HHLA2: variants seen among roughly 807,000 people sequenced by gnomAD.
HHLA2 encodes HHLA2 member of B7 family.
A neutral mutation model predicts 45.9 loss-of-function variants in HHLA2; 48 were observed. The observed-to-expected ratio is 1.05, with a 90% CI of 0.83 to 1.33. The LOEUF (loss-of-function observed/expected upper bound fraction) is 1.33, where lower values mean the gene tolerates loss of function less well. Ranked by LOEUF, HHLA2 falls within the 40% of genes most tolerant of loss-of-function variation. HHLA2 has a pLI of 0.00. For missense variants in HHLA2, 462 were observed against 494.3 expected (o/e 0.93, Z 0.62); for synonymous variants, 161 against 173.9 (o/e 0.93, Z 0.59).
At chr3:108,340,961 T>C (rs13066881) in intron 3 of HHLA2, among the ~76,000 whole-genome samples, 1 of 139,816 alleles carries the variant, frequency 7.2e-6, no homozygotes, top group Non-Finnish European at 1.6e-5. Flanking sequence ...TCTTTCTTTC[T>C]TTTCTTTCTT....
chr3:108,312,575 C>T (rs1281406521), intron 2 of HHLA2, among the ~76,000 whole-genome samples: 1 of 152,196 alleles, frequency 6.6e-6, no homozygotes, highest in Non-Finnish European at 1.5e-5. Context: ...GGGGGTGGCC[C>T]ATGCCCAATG....
intron 2 of HHLA2, among the ~76,000 whole-genome samples, chr3:108,313,486 C>T (rs915579192): frequency 1.3e-5 from 2 of 152,172 alleles, no homozygotes; most frequent in African/African-American, 2.4e-5. Context: ...ACGGATATTA[C>T]CTCCTCTCTT....
intron 2 of HHLA2, among the ~76,000 whole-genome samples, chr3:108,316,258 T>C (rs1316640132): frequency 6.6e-6 from 1 of 152,160 alleles, no homozygotes; most frequent in East Asian, 1.9e-4. Flanking sequence ...AGGGAAGAAG[T>C]TCCTCTGGTT....
intron 2 of HHLA2, among the ~76,000 whole-genome samples, chr3:108,314,553 G>T (rs894517003): frequency 3.3e-5 from 5 of 152,076 alleles, no homozygotes; most frequent in African/African-American, 1.2e-4. Context: ...GGCTGGGCCT[G>T]GCCACACCAT....
intron 3 of HHLA2, among the ~76,000 whole-genome samples, chr3:108,334,488 T>G (rs1348084799): frequency 6.6e-6 from 1 of 152,200 alleles, no homozygotes; most frequent in African/African-American, 2.4e-5. Context: ...GTAAACAAAT[T>G]ACTGCCACTT....
chr3:108,331,976 T>A (rs12496014), intron 3 of HHLA2, among the ~76,000 whole-genome samples: 84,838 of 151,878 alleles, frequency 0.56, 24,327 homozygotes, highest in Middle Eastern at 0.63. Flanking sequence ...GAGAGGAATC[T>A]TGTGGCAAGC....
intron 8 of HHLA2, among the ~76,000 whole-genome samples, chr3:108,363,972 CTTCTT>C (rs72374706): frequency 0.5 from 74,342 of 147,722 alleles, 19,306 homozygotes; most frequent in Non-Finnish European, 0.59. Context: ...GAGTGACTTA[CTTCTT>C]TTTTTTTTTT....
intron 2 of HHLA2, among the ~76,000 whole-genome samples, chr3:108,316,587 C>G (rs1255095398): frequency 6.6e-6 from 1 of 152,032 alleles, no homozygotes; most frequent in East Asian, 1.9e-4. Flanking sequence ...ACTGGTGTAC[C>G]TTGGAAGAGA....
At chr3:108,366,943 C>T (rs1195716071) in intron 8 of HHLA2, among the ~76,000 whole-genome samples, 1 of 152,024 alleles carries the variant, frequency 6.6e-6, no homozygotes, top group African/African-American at 2.4e-5. Flanking sequence ...ACAGACACCT[C>T]ATACAGGAGA....
intron 3 of HHLA2, among the ~76,000 whole-genome samples, chr3:108,341,779 C>G (rs1433134311): frequency 6.6e-6 from 1 of 152,180 alleles, no homozygotes; most frequent in Non-Finnish European, 1.5e-5. Context: ...GTAGAGGACT[C>G]AGCACAGACA....
intron 1 of HHLA2, among the ~76,000 whole-genome samples, chr3:108,297,893 C>T (rs1009341220): frequency 1.3e-5 from 2 of 152,126 alleles, no homozygotes; most frequent in African/African-American, 2.4e-5. Flanking sequence ...GTGTAGGTCA[C>T]GTAGTACAGC....
rs138423505 is a variant in HHLA2, at chr3:108,361,690, C to T, written c.1004-652C>T. 5.7e-3 allele frequency among the ~76,000 whole-genome samples: 865 copies of T among 152,038 alleles called. 4 individuals are homozygous for T. The highest frequency in any genetic ancestry group is 0.01 in the Middle Eastern group (3 of 294). On this transcript the variant is annotated intron_variant, in intron 7 of 10. Coordinates refer to ENST00000619531, the Ensembl canonical transcript of HHLA2. ...GTTCAGTACTAAGGTTTCAGGCATC[C>T]ACTTGGGGGACTTGGAATGTATCCC...
At chr3:108,377,117 A>G in intron 10 of HHLA2, 141 bp from the exon 10 acceptor site, 2 of 627,620 alleles carry the variant, frequency 3.2e-6, no homozygotes, top group South Asian at 3.9e-5. Flanking sequence ...GGTCTCATGG[A>G]TCTTTAATTT....
At chr3:108,315,166 G>A (rs1052946716) in intron 2 of HHLA2, among the ~76,000 whole-genome samples, 6 of 152,172 alleles carry the variant, frequency 3.9e-5, no homozygotes, top group Non-Finnish European at 8.8e-5. Flanking sequence ...TGTGCCAGGG[G>A]TGCATCCTCT....
chr3:108,372,902 AAGG>A (rs971806782), intron 8 of HHLA2, among the ~76,000 whole-genome samples: 1 of 152,202 alleles, frequency 6.6e-6, no homozygotes, highest in African/African-American at 2.4e-5. Context: ...CAGAGGTACA[AAGG>A]AGGAGCTGGT....
chr3:108,365,999 C>T (rs554483653), intron 8 of HHLA2, among the ~76,000 whole-genome samples: 1 of 152,170 alleles, frequency 6.6e-6, no homozygotes, highest in East Asian at 1.9e-4. Context: ...ATTGCCCTGG[C>T]CAAAACTTCC....
chr3:108,356,232 A>C (rs1253319576), intron 6 of HHLA2, among the ~76,000 whole-genome samples: 1 of 151,972 alleles, frequency 6.6e-6, no homozygotes, highest in African/African-American at 2.4e-5. Flanking sequence ...GGGTTTCACC[A>C]TGTTGGTCAG....
intron 3 of HHLA2, among the ~76,000 whole-genome samples, chr3:108,341,732 GT>G (rs2081574953): frequency 6.6e-6 from 1 of 152,180 alleles, no homozygotes; most frequent in Non-Finnish European, 1.5e-5. Context: ...ACTCACAGTA[GT>G]TTAAATGTAT....
chr3:108,360,372 A>AATTTTAGAAGT (rs2081967094), intron 7 of HHLA2, among the ~76,000 whole-genome samples: 2 of 151,958 alleles, frequency 1.3e-5, no homozygotes, highest in Non-Finnish European at 2.9e-5. Flanking sequence ...CAGATAGAAG[A>AATTTTAGAAGT]TTCATTTTCA....
Sources: allele counts gnomAD v4.1 joint callset (sites outside exome capture counted in the v4.1 genomes callset), GRCh38; gene constraint gnomAD v4.1.1; transcripts MANE v1.5; gene names NCBI Gene and HGNC (gene_info 2026-07-23, HGNC 2026-07-21).